The following CRTAM variants were observed in gnomAD, a reference collection of about 807,000 sequenced individuals.
CRTAM encodes cytotoxic and regulatory T cell molecule.
Under a neutral mutation model 50.0 loss-of-function variants are expected in CRTAM, and 44 were observed. The ratio of observed to expected loss-of-function variants is 0.88; its 90% CI spans 0.69 to 1.13. The LOEUF is 1.13. CRTAM is among the 50% of genes most tolerant of loss of function. The pLI, the probability that CRTAM is intolerant of heterozygous loss-of-function variation, is 0.00. For missense variants in CRTAM, 448 were observed against 457.5 expected (o/e 0.98, Z 0.19); for synonymous variants, 159 against 169.3 (o/e 0.94, Z 0.47).
intron 9 of CRTAM, among the ~76,000 whole-genome samples, chr11:122,869,047 G>T (rs1415686155): frequency 6.6e-6 from 1 of 152,020 alleles, no homozygotes; most frequent in East Asian, 1.9e-4. Context: ...AGAAGGAGAA[G>T]AATCAAAATC....
chr11:122,861,957 C>A (rs914232557), intron 5 of CRTAM, among the ~76,000 whole-genome samples: 1 of 152,114 alleles, frequency 6.6e-6, no homozygotes, highest in Non-Finnish European at 1.5e-5. Context: ...AATGAACTTA[C>A]TAATTCTCAC....
At chr11:122,852,741 T>C (rs1861947929) in intron 3 of CRTAM, among the ~76,000 whole-genome samples, 1 of 152,204 alleles carries the variant, frequency 6.6e-6, no homozygotes, top group Non-Finnish European at 1.5e-5. Context: ...TAACACCCCA[T>C]GTATACTCTG....
At chr11:122,867,672 T>A in intron 8 of CRTAM, 117 bp downstream of exon 8, 1 of 1,037,428 alleles carries the variant, frequency 9.6e-7, no homozygotes, top group Non-Finnish European at 1.4e-6. Context: ...ATTTGATAAG[T>A]GCTGTCTCAG....
intron 1 of CRTAM, among the ~76,000 whole-genome samples, chr11:122,842,499 G>A (rs374081066): frequency 2.0e-5 from 3 of 152,202 alleles, no homozygotes; most frequent in South Asian, 2.1e-4. Context: ...GGCTGGTCTC[G>A]AACTCCTGAC....
chr11:122,861,718 G>A (rs1862085281), intron 5 of CRTAM, among the ~76,000 whole-genome samples: 1 of 151,898 alleles, frequency 6.6e-6, no homozygotes, highest in Non-Finnish European at 1.5e-5. Flanking sequence ...TGAGATTACA[G>A]GTGTGAGCCA....
chr11:122,851,638 C>T, intron 2 of CRTAM, 55 bp from the exon 3 acceptor site: 1 of 1,561,856 alleles, frequency 6.4e-7, no homozygotes, highest in Admixed American at 1.7e-5. Context: ...TGGGTAGAGG[C>T]CAACGATTCA....
At chr11:122,861,895 T>C (rs556665088) in intron 5 of CRTAM, among the ~76,000 whole-genome samples, 2 of 152,304 alleles carry the variant, frequency 1.3e-5, no homozygotes, top group East Asian at 3.9e-4. Context: ...TACAATAACA[T>C]TTAGCACTGT....
Position 122,845,038 on chromosome 11 carries a change from A to G in CRTAM, c.47-5030A>G, listed in dbSNP as rs539149923. ...GTGATGAGGCCAGATGAGATGACCTATGGAGTGAGTATAGAGAGTCTATCC... is the reference window on the plus strand; with the variant it reads ...GTGATGAGGCCAGATGAGATGACCTGTGGAGTGAGTATAGAGAGTCTATCC... On this transcript the variant is annotated intron_variant, in intron 1 of 9. Transcript: ENST00000227348. Among the ~76,000 whole-genome samples, 7 of 152,294 alleles carry G rather than the reference A, an allele frequency of 4.6e-5. No homozygotes were observed. The East Asian group carries it at 7.7e-4, about 17-fold the overall frequency.
rs760946346 is a variant in CRTAM at position 122,867,368 on chromosome 11, A to C, written c.818-41A>C. 5.2e-6 allele frequency: 8 copies of C among 1,550,618 alleles called. No homozygotes were observed. In the South Asian group the frequency reaches 8.5e-5, roughly 16 times the overall value. ...TTCTCCAGTGGCAAAAAAAAAAAAA[A>C]AACCCAAAGTATCTAAACTCCTTTT... On this transcript the variant is annotated intron_variant, in intron 7 of 9. Transcript: ENST00000227348.
Position 122,850,074 on chromosome 11 carries a change from C to T in CRTAM, c.53C>T (p.Ser18Phe). The part of the protein sequence containing the change: ...LLAWFPLQEA[S>F]LTNHTETITV... The stretch of plus-strand genomic sequence containing the variant: ...CATTTCTCTTCCTCCACAGAGGCCT[C>T]TCTGACTAACCACACAGAAACCATC... Residue 18 changes from serine (S) to phenylalanine (F), a missense_variant, in exon 2 of 10, where the codon TCT becomes TTT. Ser to Phe is a radical substitution (Grantham distance 155). Transcript: ENST00000227348. 6.2e-7 allele frequency: 1 copy of T among 1,608,628 alleles called. No individual in the cohort carries two copies. The highest frequency in any genetic ancestry group is 1.3e-5 in the African/African-American group (1 of 74,948).
Position 122,871,863 on chromosome 11 carries a change from G to C in CRTAM, c.*464G>C, listed in dbSNP as rs544434109. On this transcript the variant is annotated 3_prime_UTR_variant, in exon 10 of 10. Transcript: ENST00000227348. Reference sequence around the variant, plus strand: ...TAAGAAGTTACTTCTGGCCAGGCGCGGTGGCTCATGCCTGTAATCCTAGCA... The same window carrying C: ...TAAGAAGTTACTTCTGGCCAGGCGCCGTGGCTCATGCCTGTAATCCTAGCA... 2 of 152,208 alleles carry C rather than the reference G, an allele frequency of 1.3e-5. No individual in the cohort carries two copies. Among genetic ancestry groups the C allele is most frequent in the Non-Finnish European group, 2.9e-5 (2 of 68,126 alleles). 9.4% of individuals were successfully genotyped at this position (152,208 alleles called of 1,614,324 possible). A position where few individuals can be genotyped will look rare whatever the true frequency, so the allele number is the denominator to read the frequency against.
At chr11:122,861,349 T>TAC (rs1491122206) in intron 5 of CRTAM, among the ~76,000 whole-genome samples, 1 of 22,628 alleles carries the variant, frequency 4.4e-5, no homozygotes, top group Non-Finnish European at 7.6e-5. Flanking sequence ...GACGTGTCAG[T>TAC]ATATATATAT....
At chr11:122,869,998 G>A (rs898861294) in intron 9 of CRTAM, among the ~76,000 whole-genome samples, 4 of 152,184 alleles carry the variant, frequency 2.6e-5, no homozygotes, top group South Asian at 2.1e-4. Flanking sequence ...TCCTAGGCAA[G>A]AAGAACCAAA....
intron 1 of CRTAM, 54 bp downstream of exon 1, chr11:122,838,646 C>T: frequency 6.5e-7 from 1 of 1,534,860 alleles, no homozygotes. Flanking sequence ...TGTTTTGCCA[C>T]ATCTACCTAT....
chr11:122,864,448 A>G lies in CRTAM; in HGVS notation c.734-188A>G, dbSNP rs1862141014. 3 of 543,788 alleles carry G rather than the reference A, an allele frequency of 5.5e-6. No individual in the cohort carries two copies. In the South Asian group the frequency reaches 7.3e-5, roughly 13 times the overall value. The allele number at this position is 543,788 out of a possible 1,614,324, so 33.7% of individuals were successfully genotyped here. A position where few individuals can be genotyped will look rare whatever the true frequency, so the allele number is the denominator to read the frequency against. ...TGCCCAAAACATTTACCTTAAAAAA[A>G]TAAGGCAAAGTGAGCCTAGCCATTT... On this transcript the variant is annotated intron_variant, in intron 6 of 9. Transcript: ENST00000227348.
chr11:122,857,133 A>G (rs1175723756), intron 5 of CRTAM, among the ~76,000 whole-genome samples: 2 of 152,266 alleles, frequency 1.3e-5, no homozygotes, highest in South Asian at 2.1e-4. Context: ...CTTTACGGCT[A>G]TAGCTCTGTA....
At chr11:122,845,661 C>T (rs1230638565) in intron 1 of CRTAM, among the ~76,000 whole-genome samples, 1 of 152,000 alleles carries the variant, frequency 6.6e-6, no homozygotes. Context: ...GAGCTGAGAT[C>T]ATGCCACTGC....
chr11:122,868,190 G>GT, intron 9 of CRTAM, 91 bp downstream of exon 9: 1 of 123,514 alleles, frequency 8.1e-6, no homozygotes, highest in Admixed American at 1.9e-4. Context: ...AACAGAATAT[G>GT]TGTGTGTGTG....
At chr11:122,841,526 G>A (rs1451203347) in intron 1 of CRTAM, among the ~76,000 whole-genome samples, 2 of 150,842 alleles carry the variant, frequency 1.3e-5, no homozygotes, top group Admixed American at 6.6e-5. Context: ...TCAGCCTCCC[G>A]AGTAGCTGGG....
Sources: gnomAD v4.1 joint callset for allele counts (sites outside exome capture counted in the v4.1 genomes callset) on GRCh38, gnomAD v4.1.1 for gene constraint, MANE v1.5 for transcripts, NCBI Gene and HGNC (gene_info 2026-07-23, HGNC 2026-07-21) for gene names.